MBOAT4: variants seen among roughly 807,000 people sequenced by gnomAD.
MBOAT4 encodes the protein membrane-bound ghrelin O-acyltransferase MBOAT4.
Under a neutral mutation model 13.2 loss-of-function variants are expected in MBOAT4, and 11 were observed. That is an observed-to-expected ratio of 0.84 (90% CI 0.53 to 1.38). The LOEUF is 1.38. Ranked by LOEUF, MBOAT4 falls within the 40% of genes most tolerant of loss-of-function variation. The pLI is 0.00. For synonymous variants in MBOAT4, 202 were observed against 210.3 expected (o/e 0.96, Z 0.34); for missense variants, 481 against 527.2 (o/e 0.91, Z 0.86).
chr8:30,133,595 T>G (rs1803073210), intron 2 of MBOAT4, among the ~76,000 whole-genome samples: 1 of 152,074 alleles, frequency 6.6e-6, no homozygotes, highest in Non-Finnish European at 1.5e-5. Context: ...GGTTCTTGAA[T>G]TAATTCAGAA....
Position 30,131,854 on chromosome 8 carries a change from A to G in MBOAT4, c.*89T>C, listed in dbSNP as rs1803021066. On this transcript the variant is annotated 3_prime_UTR_variant, in exon 3 of 3. Transcript: ENST00000320542. ...AACTTTAGAAAAAATTTTATTATGG[A>G]AAAGTTCAAATGTATGCATTATCGA... 1 of 1,430,210 alleles carries G rather than the reference A, an allele frequency of 7.0e-7. No homozygotes were observed. Among genetic ancestry groups the G allele is most frequent in the East Asian group, 2.5e-5 (1 of 39,956 alleles). 88.6% of individuals were successfully genotyped at this position (1,430,210 alleles called of 1,614,324 possible). A position where few individuals can be genotyped will look rare whatever the true frequency, so the allele number is the denominator to read the frequency against.
Position 30,138,668 on chromosome 8 carries a change from C to T in MBOAT4, c.208G>A (p.Ala70Thr), listed in dbSNP as rs140611326. Reference protein sequence around the residue: ...AVLVFTPAVCAVALLCSLAPQ... With the variant: ...AVLVFTPAVCTVALLCSLAPQ... ...GCCAGGGAACAGAGGAGAGCCACAGCGCAGACAGCAGGGGTGAAGACGAGC... is the reference window on the plus strand; with the variant it reads ...GCCAGGGAACAGAGGAGAGCCACAGTGCAGACAGCAGGGGTGAAGACGAGC... Residue 70 changes from alanine (A) to threonine (T), a missense_variant, in exon 2 of 3, where the codon GCT (alanine) becomes ACT (threonine). Physicochemically the swap from Ala to Thr is moderately conservative, Grantham distance 58. Coordinates refer to ENST00000320542, the MANE Select transcript of MBOAT4 (RefSeq NM_001100916.2). 2.2e-4 allele frequency: 337 copies of T among 1,551,264 alleles called. 1 individual carries two copies. The highest frequency in any genetic ancestry group is 1.9e-3 in the Middle Eastern group (11 of 5,726).
At position 30,140,080 on chromosome 8, in the gene MBOAT4, C is replaced by T. The variant is rs7842607; in HGVS notation, c.120-1324G>A. On this transcript the variant is annotated intron_variant, in intron 1 of 2. Coordinates refer to ENST00000320542, the MANE Select transcript of MBOAT4 (RefSeq NM_001100916.2). ...TTAGACAGAGTCTCGCTCTGTTGCC[C>T]GGATTGGAGTGCAGAGGTGCGATGT... 4.4e-3 allele frequency among the ~76,000 whole-genome samples: 670 copies of T among 152,266 alleles called. 6 individuals are homozygous for T. The highest frequency in any genetic ancestry group is 0.015 in the African/African-American group (620 of 41,538).
chr8:30,136,730 CT>C (rs11390350), intron 2 of MBOAT4, among the ~76,000 whole-genome samples: 2,968 of 143,716 alleles, frequency 0.021, 28 homozygotes, highest in African/African-American at 0.031. Flanking sequence ...TCCCCCCGAA[CT>C]TTTTTTTTTT....
At chr8:30,143,367 ATATATAT>A (rs1431202298) in intron 1 of MBOAT4, among the ~76,000 whole-genome samples, 46 of 15,328 alleles carry the variant, frequency 3.0e-3, no homozygotes, top group African/African-American at 4.9e-3. Context: ...AAAAAAAAAA[ATATATAT>A]ATATATATAT....
rs968408345 is a variant in MBOAT4 at position 30,144,514 on chromosome 8, A to C, written c.88T>G (p.Cys30Gly). 1 of 1,551,168 alleles carries C rather than the reference A, an allele frequency of 6.4e-7. No homozygotes were observed. The highest frequency in any genetic ancestry group is 2.0e-5 in the Admixed American group (1 of 50,974). Reference sequence around the variant, plus strand: ...CGAGTGGAGAATGAATCCATGATGCAGAGATAATTGAAGAGAAGTGCAAAG... The same window carrying C: ...CGAGTGGAGAATGAATCCATGATGCCGAGATAATTGAAGAGAAGTGCAAAG... ...FPFALLFNYLCIMDSFSTRAR... is the reference protein window; with the variant it reads ...FPFALLFNYLGIMDSFSTRAR... Residue 30 changes from cysteine to glycine, a missense_variant, in exon 1 of 3, where the codon TGC (cysteine) becomes GGC (glycine). Cys to Gly is a radical substitution (Grantham distance 159). Coordinates refer to ENST00000320542, the MANE Select transcript of MBOAT4 (RefSeq NM_001100916.2).
chr8:30,139,552 C>T (rs1803226370), intron 1 of MBOAT4, among the ~76,000 whole-genome samples: 1 of 152,170 alleles, frequency 6.6e-6, no homozygotes, highest in African/African-American at 2.4e-5. Flanking sequence ...CTCAACACTT[C>T]CCTTCGAAAA....
At chr8:30,134,409 G>A (rs371559405) in intron 2 of MBOAT4, among the ~76,000 whole-genome samples, 39 of 149,890 alleles carry the variant, frequency 2.6e-4, no homozygotes, top group African/African-American at 9.1e-4. Flanking sequence ...GTGATAGAGC[G>A]AGACTGCATC....
intron 2 of MBOAT4, among the ~76,000 whole-genome samples, chr8:30,136,346 A>G (rs948702467): frequency 5.3e-5 from 8 of 152,212 alleles, no homozygotes; most frequent in Non-Finnish European, 1.5e-5. Flanking sequence ...GCGGACATAC[A>G]GGGACACTGC....
At position 30,132,130 on chromosome 8, in the gene MBOAT4, A is replaced by G; in HGVS notation, c.1121T>C (p.Met374Thr). ...GGTGAGGGTTCTATAGAACAGCCTCATCGGCCAGGATCTGATAAACTCATT... is the reference window on the plus strand; with the variant it reads ...GGTGAGGGTTCTATAGAACAGCCTCGTCGGCCAGGATCTGATAAACTCATT... ...FANEFIRSWPMRLFYRTLTWA... is the reference protein window; with the variant it reads ...FANEFIRSWPTRLFYRTLTWA... Residue 374 changes from methionine to threonine, a missense_variant, in exon 3 of 3, where the codon ATG becomes ACG. Transcript: ENST00000320542. 6.4e-7 allele frequency: 1 copy of G among 1,551,800 alleles called. No individual in the cohort carries two copies. Among genetic ancestry groups the G allele is most frequent in the Non-Finnish European group, 8.7e-7 (1 of 1,147,008 alleles).
At chr8:30,143,347 CA>C (rs776274086) in intron 1 of MBOAT4, among the ~76,000 whole-genome samples, 9 of 143,500 alleles carry the variant, frequency 6.3e-5, no homozygotes, top group African/African-American at 2.5e-4. Context: ...GACTCCGTCT[CA>C]AAAAAAAAAA....
At position 30,138,636 on chromosome 8, in the gene MBOAT4, C is replaced by A; in HGVS notation, c.240G>T (p.Gln80His). 1 of 1,551,622 alleles carries A rather than the reference C, an allele frequency of 6.4e-7. No individual in the cohort carries two copies. Among genetic ancestry groups the A allele is most frequent in the East Asian group, 2.4e-5 (1 of 40,920 alleles). ...AGCAGAAGGTCCACCTGTGGACTTGCTGAGGAGCCAGGGAACAGAGGAGAG... is the reference window on the plus strand; with the variant it reads ...AGCAGAAGGTCCACCTGTGGACTTGATGAGGAGCCAGGGAACAGAGGAGAG... ...AVALLCSLAPQQVHRWTFCFQ... is the reference protein window; with the variant it reads ...AVALLCSLAPHQVHRWTFCFQ... Residue 80 changes from glutamine (Q) to histidine (H), a missense_variant, in exon 2 of 3, where the codon CAG (glutamine) becomes CAT (histidine). Gln to His is a conservative substitution (Grantham distance 24). Coordinates refer to ENST00000320542, the MANE Select transcript of MBOAT4 (RefSeq NM_001100916.2).
At chr8:30,141,254 C>G (rs574165905) in intron 1 of MBOAT4, among the ~76,000 whole-genome samples, 1 of 152,126 alleles carries the variant, frequency 6.6e-6, no homozygotes, top group African/African-American at 2.4e-5. Flanking sequence ...CTTCACATTA[C>G]GCACACTTGG....
chr8:30,144,448 C>A, intron 1 of MBOAT4, 35 bp downstream of exon 1: 1 of 1,445,924 alleles, frequency 6.9e-7, no homozygotes. Context: ...TATAGTATTT[C>A]TGGATGTAAG....
At position 30,131,874 on chromosome 8, in the gene MBOAT4, T is replaced by C. The variant is rs1803021804; in HGVS notation, c.*69A>G. 3 of 1,464,234 alleles carry C rather than the reference T, an allele frequency of 2.0e-6. No individual in the cohort carries two copies. In the African/African-American group the frequency reaches 4.3e-5, roughly 21 times the overall value. 90.7% of individuals were successfully genotyped at this position (1,464,234 alleles called of 1,614,324 possible). ...TATGGAAAAGTTCAAATGTATGCAT[T>C]ATCGATGCGTCATCTGGCACTTTCT... On this transcript the variant is annotated 3_prime_UTR_variant, in exon 3 of 3. Coordinates refer to ENST00000320542, the MANE Select transcript of MBOAT4 (RefSeq NM_001100916.2).
rs150691027 is a variant in MBOAT4, at chr8:30,131,923, G to A, written c.*20C>T. The A allele has an allele frequency of 6.5e-7, 1 of 1,532,922 alleles. No homozygotes were observed. The highest frequency in any genetic ancestry group is 1.2e-5 in the South Asian group (1 of 81,726). The allele number at this position is 1,532,922 out of a possible 1,614,324, so 95.0% of individuals were successfully genotyped here. A position where few individuals can be genotyped will look rare whatever the true frequency, so the allele number is the denominator to read the frequency against. The stretch of plus-strand genomic sequence containing the variant: ...CTAAAATGTTTCCTGGGTGTTTAAG[G>A]TGAAAGCCAGGGAAAGATGTCAGTT... On this transcript the variant is annotated 3_prime_UTR_variant, in exon 3 of 3. Coordinates refer to ENST00000320542, the MANE Select transcript of MBOAT4 (RefSeq NM_001100916.2).
intron 2 of MBOAT4, among the ~76,000 whole-genome samples, chr8:30,135,011 C>T (rs1803108605): frequency 1.3e-5 from 2 of 151,918 alleles, no homozygotes; most frequent in South Asian, 4.1e-4. Context: ...TCCTGAGAAG[C>T]TGGAACTTCA....
intron 2 of MBOAT4, among the ~76,000 whole-genome samples, chr8:30,133,442 A>G (rs1563220940): frequency 2.0e-5 from 3 of 152,184 alleles, no homozygotes; most frequent in Admixed American, 6.6e-5. Flanking sequence ...TGTTTTAAAG[A>G]AAAGGTTAGA....
At chr8:30,138,810 A>T in intron 1 of MBOAT4, 54 bp from the exon 2 acceptor site, 1 of 1,378,796 alleles carries the variant, frequency 7.3e-7, no homozygotes, top group Non-Finnish European at 1.0e-6. Flanking sequence ...ACAGCAAAGG[A>T]ATTACTGCAG....
Sources: allele counts gnomAD v4.1 joint callset (sites outside exome capture counted in the v4.1 genomes callset), GRCh38; gene constraint gnomAD v4.1.1; transcripts MANE v1.5; gene names NCBI Gene and HGNC (gene_info 2026-07-23, HGNC 2026-07-21).